Variants in CACNA1A observed in about 807,000 individuals in gnomAD.
CACNA1A encodes the protein voltage-dependent P/Q-type calcium channel subunit alpha-1A.
Under a neutral mutation model 262.4 loss-of-function variants are expected in CACNA1A, and 57 were observed. That is an observed-to-expected ratio of 0.22 (90% CI 0.18 to 0.27). The LOEUF (loss-of-function observed/expected upper bound fraction) is 0.27. CACNA1A is among the 10% of genes least tolerant of loss of function. CACNA1A has a pLI of 1.00. For missense variants in CACNA1A, 2,526 were observed against 3,562.8 expected, an observed-to-expected ratio of 0.71 and a Z score of 7.41; for synonymous variants, 1,431 against 1,419.3, an observed-to-expected ratio of 1.01 and a Z score of -0.18.
chr19:13,261,220 G>A (rs538316661), intron 26 of CACNA1A: 2 of 475,144 alleles, frequency 4.2e-6, no homozygotes, highest in East Asian at 6.4e-5. Flanking sequence ...CAAAGGCGGT[G>A]GCTGAAAGGT....
intron 5 of CACNA1A, among the ~76,000 whole-genome samples, chr19:13,361,641 T>C (rs1157600674): frequency 6.6e-6 from 1 of 152,232 alleles, no homozygotes; most frequent in Non-Finnish European, 1.5e-5. Flanking sequence ...CAATGCTGAA[T>C]GAATGAATCT....
intron 17 of CACNA1A, 160 bp downstream of exon 17, chr19:13,303,386 G>C: frequency 1.7e-6 from 1 of 589,338 alleles, no homozygotes; most frequent in Middle Eastern, 4.6e-4. Context: ...CTGGGAGTGG[G>C]GGGAGAGGCG....
In CACNA1A at chr19:13,275,761, C is replaced by T. The variant is rs2057132383; in HGVS notation, c.3989+89G>A. 4 of 892,854 alleles carry T rather than the reference C, an allele frequency of 4.5e-6. No individual in the cohort carries two copies. In the African/African-American group the frequency reaches 4.9e-5, roughly 11 times the overall value. 55.3% of individuals were successfully genotyped at this position (892,854 alleles called of 1,614,324 possible). A position where few individuals can be genotyped will look rare whatever the true frequency, so the allele number is the denominator to read the frequency against. On this transcript the variant is annotated intron_variant, in intron 24 of 46. Transcript: ENST00000360228. ...GGAGCCCACACACCCCATCCCTAGA[C>T]CCTGAGAACATGTCCTGTAATCCGA...
chr19:13,324,409 G>T (rs2058312348), intron 10 of CACNA1A, among the ~76,000 whole-genome samples: 1 of 152,036 alleles, frequency 6.6e-6, no homozygotes, highest in East Asian at 1.9e-4. Flanking sequence ...GTAATGTGTT[G>T]CATATTTCAA....
intron 32 of CACNA1A, 31 bp from the exon 33 acceptor site, chr19:13,235,305 G>C: frequency 3.9e-6 from 6 of 1,554,388 alleles, no homozygotes; most frequent in Non-Finnish European, 5.2e-6. Flanking sequence ...GAAGAAGAGT[G>C]CTGGGGGTCC....
intron 24 of CACNA1A, among the ~76,000 whole-genome samples, chr19:13,269,209 A>C (rs1243745983): frequency 6.6e-6 from 1 of 152,106 alleles, no homozygotes; most frequent in African/African-American, 2.4e-5. Context: ...ATTTTTGCCT[A>C]ATCTGCTGAC....
chr19:13,219,879 G>A (rs1406721796), intron 38 of CACNA1A, among the ~76,000 whole-genome samples: 2 of 151,322 alleles, frequency 1.3e-5, no homozygotes, highest in African/African-American at 4.9e-5. Flanking sequence ...GAACCCGGGA[G>A]ATGGAGGTTG....
chr19:13,359,171 T>C (rs909916208), intron 6 of CACNA1A, among the ~76,000 whole-genome samples: 12 of 152,126 alleles, frequency 7.9e-5, no homozygotes, highest in African/African-American at 2.9e-4. Flanking sequence ...GGTAGACACA[T>C]CCCCTTGGCT....
chr19:13,360,692 G>C (rs1291428901), intron 5 of CACNA1A, among the ~76,000 whole-genome samples: 1 of 152,062 alleles, frequency 6.6e-6, no homozygotes, highest in Admixed American at 6.6e-5. Context: ...TGGCCAGGCT[G>C]GTCTCGAACT....
intron 3 of CACNA1A, among the ~76,000 whole-genome samples, chr19:13,422,279 C>T (rs1354765635): frequency 1.3e-5 from 2 of 152,180 alleles, no homozygotes; most frequent in Non-Finnish European, 2.9e-5. Flanking sequence ...TGTGACTGTA[C>T]CACTGCACTT....
At chr19:13,430,309 C>A (rs367778959) in intron 3 of CACNA1A, among the ~76,000 whole-genome samples, 5 of 152,052 alleles carry the variant, frequency 3.3e-5, no homozygotes, top group Non-Finnish European at 7.4e-5. Context: ...CGGGTTCAAG[C>A]GATTCTCCTG....
intron 6 of CACNA1A, among the ~76,000 whole-genome samples, chr19:13,349,273 C>T (rs527776089): frequency 3.9e-5 from 6 of 152,268 alleles, no homozygotes; most frequent in African/African-American, 1.4e-4. Context: ...CACACAGAAG[C>T]CCTCGGCTAA....
rs374654996 is a variant in CACNA1A at position 13,241,459 on chromosome 19, G to A, written c.4950+3723C>T. 4.0e-5 allele frequency: 49 copies of A among 1,236,404 alleles called. No homozygotes were observed. The highest frequency in any genetic ancestry group is 7.5e-5 in the East Asian group (3 of 40,008). 76.6% of individuals were successfully genotyped at this position (1,236,404 alleles called of 1,614,324 possible). ...GCAGGGTGTGGCATGCAATGCCGAC[G>A]CGAGGAGATGCGTTCACAGTTAATG... On this transcript the variant is annotated intron_variant, in intron 31 of 46. Transcript: ENST00000360228. This position sits in a 1 kb window ranked among gnomAD's most constrained non-coding sequence, Gnocchi z 4.0.
chr19:13,416,248 G>A (rs2060219310), intron 3 of CACNA1A, among the ~76,000 whole-genome samples: 1 of 151,646 alleles, frequency 6.6e-6, no homozygotes, highest in Non-Finnish European at 1.5e-5. Flanking sequence ...CCACAGGCCT[G>A]CACCACCACG....
At chr19:13,217,803 A>G (rs780312152) in intron 38 of CACNA1A, among the ~76,000 whole-genome samples, 19 of 152,108 alleles carry the variant, frequency 1.2e-4, no homozygotes, top group Non-Finnish European at 2.6e-4. Flanking sequence ...AACCCTGCAC[A>G]TTCCGATGAA....
intron 37 of CACNA1A, chr19:13,226,269 G>C (rs1402135654): frequency 9.9e-6 from 1 of 101,082 alleles, no homozygotes; most frequent in Middle Eastern, 4.5e-3. Flanking sequence ...GGGGGGGGGG[G>C]GCGGCAGGGA....
At chr19:13,295,479 TTTTC>T (rs535385333) in intron 19 of CACNA1A, among the ~76,000 whole-genome samples, 167 of 151,148 alleles carry the variant, frequency 1.1e-3, no homozygotes, top group African/African-American at 3.5e-3. Flanking sequence ...TGTTTGGGTT[TTTTC>T]TTTCTTTCTT....
At chr19:13,316,550 GT>G (rs1428465380) in intron 11 of CACNA1A, 1 of 73,436 alleles carries the variant, frequency 1.4e-5, no homozygotes, top group Non-Finnish European at 2.4e-5. Context: ...AGTAACTGTG[GT>G]TAAAAAAAAA....
chr19:13,325,196 C>CTTT (rs201773357), intron 10 of CACNA1A, among the ~76,000 whole-genome samples: 5,724 of 127,962 alleles, frequency 0.045, 467 homozygotes, highest in African/African-American at 0.16. Context: ...TCTTCTTCTT[C>CTTT]TTTTTTTTTT....
Sources: gnomAD v4.1 joint callset for allele counts (sites outside exome capture counted in the v4.1 genomes callset) on GRCh38, gnomAD v4.1.1 for gene constraint, Gnocchi (gnomAD v3.1) non-coding constraint, MANE v1.5 for transcripts, NCBI Gene and HGNC (gene_info 2026-07-23, HGNC 2026-07-21) for gene names.